Variants in PDS5A observed in about 807,000 individuals in gnomAD.
PDS5A encodes sister chromatid cohesion protein PDS5 homolog A.
In PDS5A, 42 loss-of-function variants were observed where a neutral mutation model predicts 167.1. The ratio of observed to expected loss-of-function variants is 0.25; its 90% CI spans 0.20 to 0.33. PDS5A has a LOEUF of 0.33. Among genes scored for constraint, PDS5A ranks in the 10% least tolerant of loss-of-function variants. PDS5A has a pLI of 1.00. For synonymous variants in PDS5A, 553 were observed against 554.6 expected (o/e 1.00, Z 0.04); for missense variants, 1,033 against 1,605.9 (o/e 0.64, Z 6.10).
At chr4:39,849,754 T>TA in intron 26 of PDS5A, 102 bp from the exon 27 acceptor site, 1 of 696,018 alleles carries the variant, frequency 1.4e-6, no homozygotes, top group Non-Finnish European at 2.4e-6. Context: ...TAAAATAAAA[T>TA]AAAATGATCA....
chr4:39,972,568 C>G (rs1730655143), intron 2 of PDS5A, among the ~76,000 whole-genome samples: 1 of 151,462 alleles, frequency 6.6e-6, no homozygotes, highest in Admixed American at 6.6e-5. Flanking sequence ...GAGACAGGGT[C>G]TATGTTGCCC....
At chr4:39,867,203 G>A (rs1406971731) in intron 22 of PDS5A, among the ~76,000 whole-genome samples, 1 of 151,888 alleles carries the variant, frequency 6.6e-6, no homozygotes, top group Non-Finnish European at 1.5e-5. Context: ...ATCTGTAAAT[G>A]TATTAACTTA....
chr4:39,958,167 T>C (rs766575371), intron 2 of PDS5A, among the ~76,000 whole-genome samples: 6 of 152,036 alleles, frequency 3.9e-5, no homozygotes, highest in Non-Finnish European at 7.4e-5. Flanking sequence ...GCTGAGATCA[T>C]AGGCATGAGG....
At chr4:39,959,305 A>AT (rs1295690205) in intron 2 of PDS5A, among the ~76,000 whole-genome samples, 6 of 152,122 alleles carry the variant, frequency 3.9e-5, no homozygotes, top group African/African-American at 9.7e-5. Flanking sequence ...CTCTTTTTAA[A>AT]TTTTTTTATT....
In PDS5A at chr4:39,885,598, A is replaced by T. The variant is rs187917763; in HGVS notation, c.1886+4651T>A. On this transcript the variant is annotated intron_variant, in intron 17 of 32. Transcript: ENST00000303538. ...AGTGAGATCGTGTATCCAAAAAAGT[A>T]AAGAGAAAAAGAAAAGAAAATCTTA... is the stretch of plus-strand genomic sequence containing the variant. Among the ~76,000 whole-genome samples the T allele has an allele frequency of 4.3e-3, 660 of 152,150 alleles. 3 individuals are homozygous for T. Among genetic ancestry groups the T allele is most frequent in the South Asian group, 6.6e-3 (32 of 4,820 alleles).
At chr4:39,903,374 T>TA (rs1433173026) in intron 12 of PDS5A, among the ~76,000 whole-genome samples, 2 of 152,242 alleles carry the variant, frequency 1.3e-5, no homozygotes, top group African/African-American at 4.8e-5. Context: ...ATCACTGGAT[T>TA]AAGAATATAC....
At position 39,977,173 on chromosome 4, in the gene PDS5A, C is replaced by T. The variant is rs1731193672; in HGVS notation, c.-41+284G>A. Among the ~76,000 whole-genome samples, 1 of 151,898 alleles carries T rather than the reference C, an allele frequency of 6.6e-6. No individual in the cohort carries two copies. Among genetic ancestry groups the T allele is most frequent in the Non-Finnish European group, 1.5e-5 (1 of 67,980 alleles). On this transcript the variant is annotated intron_variant, in intron 1 of 32. Coordinates refer to ENST00000303538, the MANE Select transcript of PDS5A (RefSeq NM_001100399.2). The surrounding 1 kb of genome is among the most constrained non-coding windows in gnomAD (Gnocchi z 4.2). ...ACCCCTCCCCTGTTCCGCTCCCTCACCCCCGCGGGAGGGGAAAACAAGCCG... is the reference window on the plus strand; with the variant it reads ...ACCCCTCCCCTGTTCCGCTCCCTCATCCCCGCGGGAGGGGAAAACAAGCCG...
intron 31 of PDS5A, among the ~76,000 whole-genome samples, chr4:39,839,834 A>G (rs568452891): frequency 7.3e-5 from 11 of 151,090 alleles, no homozygotes; most frequent in Admixed American, 1.3e-4. Flanking sequence ...TTAATAGTTG[A>G]GCCGTAATTC....
chr4:39,877,505 A>G (rs191921468), intron 18 of PDS5A, among the ~76,000 whole-genome samples: 1 of 152,338 alleles, frequency 6.6e-6, no homozygotes, highest in African/African-American at 2.4e-5. Flanking sequence ...AATATATTGT[A>G]TTTAGGTGAA....
At chr4:39,963,570 GCA>G (rs1729699691) in intron 2 of PDS5A, among the ~76,000 whole-genome samples, 1 of 152,168 alleles carries the variant, frequency 6.6e-6, no homozygotes, top group South Asian at 2.1e-4. Flanking sequence ...GGTTGACTGG[GCA>G]CAGTGGCTCA....
intron 2 of PDS5A, among the ~76,000 whole-genome samples, chr4:39,934,019 T>A (rs535596094): frequency 1.4e-4 from 21 of 152,334 alleles, no homozygotes; most frequent in East Asian, 5.8e-4. Flanking sequence ...TTCTACTAAC[T>A]GGCTGTTAGT....
At chr4:39,890,578 G>A (rs1721873108) in intron 16 of PDS5A, among the ~76,000 whole-genome samples, 1 of 152,112 alleles carries the variant, frequency 6.6e-6, no homozygotes, top group African/African-American at 2.4e-5. Flanking sequence ...AGTGAACACA[G>A]CCTTGCCTCA....
chr4:39,973,703 A>G (rs1031021645), intron 2 of PDS5A: 1 of 1,287,118 alleles, frequency 7.8e-7, no homozygotes, highest in Non-Finnish European at 1.1e-6. Context: ...GAAGAGTGCC[A>G]GGCTCACTTC....
chr4:39,871,774 G>C (rs1006027662), intron 21 of PDS5A, among the ~76,000 whole-genome samples: 2 of 152,110 alleles, frequency 1.3e-5, no homozygotes, highest in African/African-American at 2.4e-5. Context: ...TGCAATCTTG[G>C]CTCACTGCAA....
intron 2 of PDS5A, among the ~76,000 whole-genome samples, chr4:39,938,212 G>A (rs1163597006): frequency 6.6e-6 from 1 of 152,144 alleles, no homozygotes; most frequent in Admixed American, 6.5e-5. Flanking sequence ...GTTTGGAGGG[G>A]GCTGCCCAGT....
chr4:39,901,266 C>CTTT (rs772230554), intron 13 of PDS5A, among the ~76,000 whole-genome samples: 138 of 121,250 alleles, frequency 1.1e-3, no homozygotes, highest in African/African-American at 1.4e-3. Context: ...TCTTTTCTTT[C>CTTT]TTTTTTTTTT....
chr4:39,889,358 A>G (rs1721772187), intron 17 of PDS5A, among the ~76,000 whole-genome samples: 1 of 152,262 alleles, frequency 6.6e-6, no homozygotes, highest in African/African-American at 2.4e-5. Context: ...TCTTTTGTTC[A>G]GGCCAGGCAC....
At chr4:39,948,312 CTTTTTTTTT>C (rs552182165) in intron 2 of PDS5A, among the ~76,000 whole-genome samples, 2 of 80,912 alleles carry the variant, frequency 2.5e-5, no homozygotes, top group East Asian at 3.9e-4. Context: ...TGAATCAAAC[CTTTTTTTTT>C]TTTTTTTTTT....
intron 2 of PDS5A, among the ~76,000 whole-genome samples, chr4:39,954,638 A>C (rs908397438): frequency 6.7e-6 from 1 of 149,628 alleles, no homozygotes; most frequent in Admixed American, 6.7e-5. Context: ...CATTGTCAAG[A>C]CATAAATAAG....
Sources: allele counts gnomAD v4.1 joint callset (sites outside exome capture counted in the v4.1 genomes callset), GRCh38; gene constraint gnomAD v4.1.1; non-coding constraint Gnocchi (gnomAD v3.1); transcripts MANE v1.5; gene names NCBI Gene and HGNC (gene_info 2026-07-23, HGNC 2026-07-21).